Variants in UVRAG observed in about 807,000 individuals in gnomAD.
UVRAG encodes UV radiation resistance associated, also known as UV radiation resistance-associated gene protein.
Under a neutral mutation model 78.0 loss-of-function variants are expected in UVRAG, and 19 were observed. The ratio of observed to expected loss-of-function variants is 0.24; its 90% CI spans 0.17 to 0.36. The LOEUF is 0.36. Ranked by LOEUF, UVRAG falls within the 10% of genes least tolerant of loss-of-function variation. UVRAG has a pLI of 1.00. For synonymous variants in UVRAG, 323 were observed against 324.6 expected, an observed-to-expected ratio of 1.00 and a Z score of 0.05; for missense variants, 740 against 853.8, an observed-to-expected ratio of 0.87 and a Z score of 1.66.
chr11:75,847,848 A>G (rs7934895), intron 1 of UVRAG, among the ~76,000 whole-genome samples: 11,348 of 151,632 alleles, frequency 0.075, 1,393 homozygotes, highest in African/African-American at 0.26. Flanking sequence ...GTATGCGCCT[A>G]CAGTCCCAGC....
At chr11:75,927,070 A>AT (rs534709272) in intron 6 of UVRAG, among the ~76,000 whole-genome samples, 5,580 of 137,376 alleles carry the variant, frequency 0.041, 330 homozygotes, top group East Asian at 0.13. Flanking sequence ...TGGCAAAGGC[A>AT]TTTTTTTTTT....
chr11:76,080,238 T>C (rs1264146846), intron 13 of UVRAG, among the ~76,000 whole-genome samples: 1 of 152,198 alleles, frequency 6.6e-6, no homozygotes. Flanking sequence ...TTCACTGTGA[T>C]TAAAATTTTT....
Position 76,016,978 on chromosome 11 carries a change from A to C in UVRAG, c.1224A>C (p.Arg408Ser). ...NINDKLTEKE[R>S]EFPLYPKGGE... is the part of the protein sequence containing the mutation. ...ATGACAAACTGACGGAAAAGGAGAG[A>C]GAGTAAGTGTCTTTTTTTTAAAAAA... The change falls in exon 12 of 15, where the codon AGA becomes AGC. Residue 408 changes from arginine to serine, a missense_variant and splice_region_variant. Arg to Ser is a moderately radical substitution (Grantham distance 110). Coordinates refer to ENST00000356136, the MANE Select transcript of UVRAG (RefSeq NM_003369.4). The C allele has an allele frequency of 6.3e-7, 1 of 1,592,754 alleles. No homozygotes were observed. The highest frequency in any genetic ancestry group is 8.6e-7 in the Non-Finnish European group (1 of 1,169,244).
chr11:76,139,490 G>T (rs940477580), intron 14 of UVRAG, among the ~76,000 whole-genome samples: 1 of 152,186 alleles, frequency 6.6e-6, no homozygotes, highest in Non-Finnish European at 1.5e-5. Context: ...GTAGTTTCAA[G>T]TTCTGCCTCT....
At chr11:76,000,498 C>T (rs770061407) in intron 8 of UVRAG, among the ~76,000 whole-genome samples, 33 of 151,874 alleles carry the variant, frequency 2.2e-4, no homozygotes, top group Admixed American at 9.8e-4. Flanking sequence ...GTCCTAGCTA[C>T]TTGGGAGGCT....
intron 13 of UVRAG, among the ~76,000 whole-genome samples, chr11:76,096,898 TCAAGGGCATCCTCGCC>T (rs1951793967): frequency 6.6e-6 from 1 of 152,094 alleles, no homozygotes; most frequent in East Asian, 1.9e-4. Context: ...TCCAAGGACC[TCAAGGGCATCCTCGCC>T]CAAACTGAGG....
Position 75,815,537 on chromosome 11 carries a change from G to A in UVRAG, c.117+13G>A, listed in dbSNP as rs1945241114. On this transcript the variant is annotated intron_variant, in intron 1 of 14. Transcript: ENST00000356136. ...GCCGTCTCAGCAGGTAAGCCCGCGC[G>A]GCTCGCAGCACTCGGGAGGGACCCG... 8.1e-7 allele frequency: 1 copy of A among 1,230,226 alleles called. No individual in the cohort carries two copies. Among genetic ancestry groups the A allele is most frequent in the East Asian group, 3.2e-5 (1 of 31,734 alleles). 76.2% of individuals were successfully genotyped at this position (1,230,226 alleles called of 1,614,324 possible). A position where few individuals can be genotyped will look rare whatever the true frequency, so the allele number is the denominator to read the frequency against.
intron 2 of UVRAG, among the ~76,000 whole-genome samples, chr11:75,854,674 C>T (rs1431474445): frequency 6.6e-6 from 1 of 152,166 alleles, no homozygotes; most frequent in Non-Finnish European, 1.5e-5. Context: ...ATCTTAGTCT[C>T]CCAAAATGCT....
At chr11:75,975,615 T>C (rs1296699840) in intron 7 of UVRAG, among the ~76,000 whole-genome samples, 1 of 152,200 alleles carries the variant, frequency 6.6e-6, no homozygotes, top group African/African-American at 2.4e-5. Flanking sequence ...GGTATTTTAT[T>C]CTCTTTGAAG....
chr11:75,861,873 G>T, intron 3 of UVRAG, 93 bp downstream of exon 3: 1 of 1,069,356 alleles, frequency 9.4e-7, no homozygotes, highest in Non-Finnish European at 1.4e-6. Context: ...GTTCAGCTCT[G>T]GTTTTATGAT....
Position 76,141,581 on chromosome 11 carries a change from A to C in UVRAG, c.*168A>C. The C allele has an allele frequency of 1.4e-6, 1 of 731,368 alleles. No individual in the cohort carries two copies. The highest frequency in any genetic ancestry group is 2.1e-6 in the Non-Finnish European group (1 of 465,738). 45.3% of individuals were successfully genotyped at this position (731,368 alleles called of 1,614,324 possible). A position where few individuals can be genotyped will look rare whatever the true frequency, so the allele number is the denominator to read the frequency against. On this transcript the variant is annotated 3_prime_UTR_variant, in exon 15 of 15. Coordinates refer to ENST00000356136, the MANE Select transcript of UVRAG (RefSeq NM_003369.4). Reference sequence around the variant, plus strand: ...GGAGGGACTCAGGATCATTGTTATCAGTGGGCCAAAGTTAGATTTTGCTTT... The same window carrying C: ...GGAGGGACTCAGGATCATTGTTATCCGTGGGCCAAAGTTAGATTTTGCTTT...
chr11:76,091,089 G>T (rs1019895022), intron 13 of UVRAG, among the ~76,000 whole-genome samples: 2 of 152,134 alleles, frequency 1.3e-5, no homozygotes, highest in Non-Finnish European at 2.9e-5. Context: ...ATAAATTTTT[G>T]AGACCTTGTA....
At position 75,815,449 on chromosome 11, in the gene UVRAG, A is replaced by T; in HGVS notation, c.42A>T (p.Pro14=). The stretch of plus-strand genomic sequence containing the variant: ...CGGTCGGGGGCCCCGTCCCCCAGCC[A>T]CCCCCGGGCCCGGCCGCTGCTCTGC... The part of the protein sequence containing the change: ...SASVGGPVPQ[P]PPGPAAALPP... Residue 14 remains proline, a synonymous_variant, in exon 1 of 15, where the codon CCA becomes CCT. Coordinates refer to ENST00000356136, the MANE Select transcript of UVRAG (RefSeq NM_003369.4). The T allele has an allele frequency of 8.0e-7, 1 of 1,247,216 alleles. No individual in the cohort carries two copies. The highest frequency in any genetic ancestry group is 4.2e-5 in the Admixed American group (1 of 23,804). 77.3% of individuals were successfully genotyped at this position (1,247,216 alleles called of 1,614,324 possible). A position where few individuals can be genotyped will look rare whatever the true frequency, so the allele number is the denominator to read the frequency against.
At chr11:76,046,626 C>G (rs529190751) in intron 12 of UVRAG, among the ~76,000 whole-genome samples, 187 of 152,058 alleles carry the variant, frequency 1.2e-3, no homozygotes, top group Middle Eastern at 3.4e-3. Context: ...TGATGTTGAC[C>G]CTAGTGAATG....
chr11:76,110,547 C>T (rs1343000310), intron 13 of UVRAG, among the ~76,000 whole-genome samples: 1 of 152,102 alleles, frequency 6.6e-6, no homozygotes, highest in African/African-American at 2.4e-5. Context: ...TTATCAAGTA[C>T]CTATCCAGTT....
intron 1 of UVRAG, among the ~76,000 whole-genome samples, chr11:75,823,638 A>G (rs1225095241): frequency 3.3e-5 from 5 of 152,232 alleles, no homozygotes; most frequent in African/African-American, 1.2e-4. Flanking sequence ...CTGGGCCGGT[A>G]ACTTAAAGTC....
chr11:76,046,113 C>T (rs1950750251), intron 12 of UVRAG, among the ~76,000 whole-genome samples: 1 of 152,088 alleles, frequency 6.6e-6, no homozygotes, highest in South Asian at 2.1e-4. Flanking sequence ...CTTCAAAGTA[C>T]TGAGGGAAAA....
chr11:75,982,730 G>A (rs897293370), intron 7 of UVRAG, among the ~76,000 whole-genome samples: 14 of 152,258 alleles, frequency 9.2e-5, no homozygotes, highest in African/African-American at 3.4e-4. Context: ...TGCCTATTCT[G>A]GACATTTCAT....
At chr11:76,137,437 C>G (rs540584480) in intron 14 of UVRAG, 1 of 456,068 alleles carries the variant, frequency 2.2e-6, no homozygotes, top group Non-Finnish European at 4.4e-6. Flanking sequence ...TTTTCTTGTT[C>G]AACTTTTTTA....
Sources: gnomAD v4.1 joint callset for allele counts (sites outside exome capture counted in the v4.1 genomes callset) on GRCh38, gnomAD v4.1.1 for gene constraint, MANE v1.5 for transcripts, NCBI Gene and HGNC (gene_info 2026-07-23, HGNC 2026-07-21) for gene names.